BCAR1: variants seen among roughly 807,000 people sequenced by gnomAD.
BCAR1 encodes the protein breast cancer anti-estrogen resistance protein 1.
A neutral mutation model predicts 67.6 loss-of-function variants in BCAR1; 30 were observed. The ratio of observed to expected loss-of-function variants is 0.44; its 90% confidence interval spans 0.33 to 0.60. The LOEUF (loss-of-function observed/expected upper bound fraction) is 0.60, where lower values mean the gene tolerates loss of function less well. BCAR1 is among the 20% of genes least tolerant of loss of function. BCAR1 has a pLI of 0.02. For missense variants in BCAR1, 1,313 were observed against 1,222.3 expected (o/e 1.07, Z -1.11); for synonymous variants, 626 against 556.7 (o/e 1.12, Z -1.75).
At chr16:75,241,308 ATGTG>A (rs1172112809) in intron 2 of BCAR1, among the ~76,000 whole-genome samples, 1 of 152,056 alleles carries the variant, frequency 6.6e-6, no homozygotes, top group Non-Finnish European at 1.5e-5. Context: ...CATGTAGCGC[ATGTG>A]TGTGTTCGTG....
At chr16:75,238,308 G>A (rs953639166) in intron 2 of BCAR1, 4 of 1,142,926 alleles carry the variant, frequency 3.5e-6, no homozygotes, top group East Asian at 8.3e-5. Context: ...GCGCCCACAC[G>A]CCTCCACCAC....
At chr16:75,250,383 G>A (rs1291696791) in intron 1 of BCAR1, among the ~76,000 whole-genome samples, 1 of 152,212 alleles carries the variant, frequency 6.6e-6, no homozygotes, top group Non-Finnish European at 1.5e-5. Context: ...CCGAGGGAAA[G>A]GAATGGGCAC....
At chr16:75,248,401 A>C (rs753105618) in intron 1 of BCAR1, 1 of 1,176,864 alleles carries the variant, frequency 8.5e-7, no homozygotes, top group Non-Finnish European at 1.1e-6. Flanking sequence ...GCTTGTCCCA[A>C]AGAGCCTCCG....
chr16:75,253,654 C>A (rs1019069828), upstream of BCAR1, among the ~76,000 whole-genome samples: 3 of 152,222 alleles, frequency 2.0e-5, no homozygotes, highest in Admixed American at 6.5e-5. Context: ...TTCCCTCCCC[C>A]AAAAGCCTGT....
Position 75,229,695 on chromosome 16 carries a change from C to G in BCAR1, c.2429G>C (p.Ser810Thr). The G allele has an allele frequency of 1.2e-6, 2 of 1,612,866 alleles. No homozygotes were observed. The highest frequency in any genetic ancestry group is 1.7e-6 in the Non-Finnish European group (2 of 1,179,886). ...SRQAKAADVRSQVTHYSNLLC... is the reference protein window; with the variant it reads ...SRQAKAADVRTQVTHYSNLLC... Reference sequence around the variant, plus strand: ...CAGGTTGCTGTAGTGGGTCACCTGGCTGCGCACGTCAGCAGCCTTGGCCTG... The same window carrying G: ...CAGGTTGCTGTAGTGGGTCACCTGGGTGCGCACGTCAGCAGCCTTGGCCTG... The change falls in exon 7 of 7, where the codon AGC becomes ACC. Residue 810 changes from serine to threonine, a missense_variant. Coordinates refer to ENST00000162330, the MANE Select transcript of BCAR1 (RefSeq NM_014567.5).
upstream of BCAR1, among the ~76,000 whole-genome samples, chr16:75,256,511 G>C (rs556886342): frequency 1.4e-4 from 19 of 138,184 alleles, no homozygotes; most frequent in South Asian, 2.1e-3. Flanking sequence ...GACACAGCAC[G>C]GATGGGGGGG....
At chr16:75,252,144 G>A (rs372042348), upstream of BCAR1, 7 of 1,493,472 alleles carry the variant, frequency 4.7e-6, no homozygotes, top group African/African-American at 2.8e-5. Flanking sequence ...GACTGTAGAC[G>A]GTCCCACCGT....
At chr16:75,262,699 C>T (rs976630271) in intron 1 of BCAR1, among the ~76,000 whole-genome samples, 9 of 152,224 alleles carry the variant, frequency 5.9e-5, no homozygotes, top group African/African-American at 1.7e-4. Flanking sequence ...CTGCCTGGCA[C>T]AGAGCCAGTT....
chr16:75,264,658 A>G, intron 1 of BCAR1: 3 of 1,255,842 alleles, frequency 2.4e-6, no homozygotes, highest in South Asian at 3.6e-5. Flanking sequence ...TAATTCCACA[A>G]TAACAATGCT....
At position 75,238,006 on chromosome 16, in the gene BCAR1, G is replaced by A. The variant is rs905137177; in HGVS notation, c.634-662C>T. 12 of 1,283,308 alleles carry A rather than the reference G, an allele frequency of 9.4e-6. 1 individual carries two copies. The Admixed American group carries it at 2.1e-4, about 22-fold the overall frequency. 79.5% of individuals were successfully genotyped at this position (1,283,308 alleles called of 1,614,324 possible). A position where few individuals can be genotyped will look rare whatever the true frequency, so the allele number is the denominator to read the frequency against. ...GCCCCGGGGGAGCTGCCTGCAGCAG[G>A]TAAGATCCCCAGCGACCTGAAAGGA... On this transcript the variant is annotated intron_variant, in intron 2 of 6. Coordinates refer to ENST00000162330, the MANE Select transcript of BCAR1 (RefSeq NM_014567.5).
intron 6 of BCAR1, among the ~76,000 whole-genome samples, chr16:75,230,368 G>C (rs1482223924): frequency 6.6e-6 from 1 of 152,128 alleles, no homozygotes; most frequent in Non-Finnish European, 1.5e-5. Flanking sequence ...CGTGGCACTG[G>C]GGAAAATGGC....
upstream of BCAR1, chr16:75,252,528 G>C (rs1278159779): frequency 1.0e-6 from 1 of 975,970 alleles, no homozygotes. Flanking sequence ...CAGAACCAGG[G>C]TGCCAGAGCC....
intron 1 of BCAR1, among the ~76,000 whole-genome samples, chr16:75,245,304 A>G (rs1000654474): frequency 2.0e-5 from 3 of 152,248 alleles, no homozygotes; most frequent in Non-Finnish European, 2.9e-5. Context: ...TGGTGACCAC[A>G]GGAAGTGCCA....
chr16:75,252,226 A>T, upstream of BCAR1: 1 of 1,536,652 alleles, frequency 6.5e-7, no homozygotes, highest in South Asian at 1.2e-5. Context: ...TTTCACGGGC[A>T]GCACCTACCT....
At chr16:75,262,941 A>G (rs2077937537) in intron 1 of BCAR1, among the ~76,000 whole-genome samples, 1 of 152,216 alleles carries the variant, frequency 6.6e-6, no homozygotes, top group South Asian at 2.1e-4. Context: ...AACAGGCTGC[A>G]GCCCCCACAA....
intron 1 of BCAR1, chr16:75,264,377 CG>C: frequency 6.5e-7 from 1 of 1,530,838 alleles, no homozygotes; most frequent in Non-Finnish European, 8.7e-7. Flanking sequence ...TCAGGTGGTC[CG>C]CCTTGTCCCT....
chr16:75,238,337 C>T (rs2077214562), intron 2 of BCAR1: 6 of 1,128,942 alleles, frequency 5.3e-6, no homozygotes, highest in Non-Finnish European at 6.6e-6. Context: ...CTGTTCAGCT[C>T]TCTCCACTGA....
At chr16:75,245,406 T>C (rs1221528115) in intron 1 of BCAR1, among the ~76,000 whole-genome samples, 1 of 151,964 alleles carries the variant, frequency 6.6e-6, no homozygotes, top group Non-Finnish European at 1.5e-5. Flanking sequence ...GCCCCTCACC[T>C]CCTAGGAGGG....
intron 1 of BCAR1, chr16:75,266,852 G>A: frequency 8.3e-7 from 1 of 1,210,180 alleles, no homozygotes; most frequent in Non-Finnish European, 1.1e-6. Context: ...GAGGAAAGAC[G>A]GAGCCAGCTC....
Sources: gnomAD v4.1 joint callset for allele counts (sites outside exome capture counted in the v4.1 genomes callset) on GRCh38, gnomAD v4.1.1 for gene constraint, MANE v1.5 for transcripts, NCBI Gene and HGNC (gene_info 2026-07-23, HGNC 2026-07-21) for gene names.